Variants in ERBIN observed in about 807,000 individuals in gnomAD.
The protein encoded by ERBIN is densin-180-like protein.
Under a neutral mutation model 158.4 loss-of-function variants are expected in ERBIN, and 60 were observed. That is an observed-to-expected ratio of 0.38 (90% confidence interval 0.31 to 0.47). ERBIN has a LOEUF of 0.47. ERBIN is among the 20% of genes least tolerant of loss of function. The pLI is 0.99. For missense variants in ERBIN, 1,610 were observed against 1,648.0 expected (o/e 0.98, Z 0.40); for synonymous variants, 594 against 557.2 (o/e 1.07, Z -0.93).
intron 1 of ERBIN, among the ~76,000 whole-genome samples, chr5:65,977,363 G>T (rs1364524535): frequency 6.6e-6 from 1 of 151,816 alleles, no homozygotes; most frequent in African/African-American, 2.4e-5. Flanking sequence ...TCCCAGACGG[G>T]GTGGCTGCTG....
intron 1 of ERBIN, among the ~76,000 whole-genome samples, chr5:65,986,906 CTTG>C (rs1397190333): frequency 1.3e-5 from 2 of 152,146 alleles, no homozygotes; most frequent in African/African-American, 4.8e-5. Context: ...GAAACCCCAG[CTTG>C]TTTTGTTTTT....
At chr5:66,045,412 C>T (rs969717021) in intron 17 of ERBIN, among the ~76,000 whole-genome samples, 6 of 145,620 alleles carry the variant, frequency 4.1e-5, no homozygotes, top group African/African-American at 1.7e-4. Flanking sequence ...TTACATATAG[C>T]CTATATGTAA....
In ERBIN at chr5:66,021,217, C is replaced by A; in HGVS notation, c.534-105C>A. 3 of 572,062 alleles carry A rather than the reference C, an allele frequency of 5.2e-6. No individual in the cohort carries two copies. The Admixed American group carries it at 1.1e-4, about 21-fold the overall frequency. The allele number at this position is 572,062 out of a possible 1,614,324, so 35.4% of individuals were successfully genotyped here. A position where few individuals can be genotyped will look rare whatever the true frequency, so the allele number is the denominator to read the frequency against. ...TTTTTATTTTGTCAACATGTGAAAG[C>A]CCATAAATAATTACCTATTCCATAA... On this transcript the variant is annotated intron_variant, in intron 7 of 25. Transcript: ENST00000284037.
intron 1 of ERBIN, among the ~76,000 whole-genome samples, chr5:65,937,017 A>G (rs190990942): frequency 9.8e-5 from 15 of 152,332 alleles, no homozygotes; most frequent in Admixed American, 2.6e-4. Flanking sequence ...ATGTAAGAAC[A>G]TAAGTTTTGG....
At chr5:66,061,071 C>A (rs563711470) in intron 21 of ERBIN, among the ~76,000 whole-genome samples, 1 of 152,244 alleles carries the variant, frequency 6.6e-6, no homozygotes, top group East Asian at 1.9e-4. Flanking sequence ...CTGCTTGGTG[C>A]AGAGCTGAGT....
intron 1 of ERBIN, among the ~76,000 whole-genome samples, chr5:65,971,979 A>T (rs527423902): frequency 2.6e-5 from 4 of 152,328 alleles, no homozygotes; most frequent in Admixed American, 6.5e-5. Flanking sequence ...TGCTTATTCC[A>T]CATGCTGCTT....
chr5:65,973,456 C>T lies in ERBIN; in HGVS notation c.-57-15179C>T, dbSNP rs561049457. On this transcript the variant is annotated intron_variant, in intron 1 of 25. Coordinates refer to ENST00000284037, the MANE Select transcript of ERBIN (RefSeq NM_001253697.2). ...AAAAGAAATTAGGGCCTTGTCTCTT[C>T]CAGATTAATTTGCATTTTAATAGAG... Among the ~76,000 whole-genome samples the T allele has an allele frequency of 2.4e-4, 36 of 151,106 alleles. 1 individual carries two copies. Among genetic ancestry groups the T allele is most frequent in the Middle Eastern group, 3.4e-3 (1 of 294 alleles).
chr5:65,988,881 G>C (rs1270641575), intron 2 of ERBIN, among the ~76,000 whole-genome samples, 199 bp downstream of exon 2: 1 of 151,278 alleles, frequency 6.6e-6, no homozygotes, highest in African/African-American at 2.4e-5. Context: ...CCCTTGGGAG[G>C]CTGAGGTGGG....
intron 1 of ERBIN, among the ~76,000 whole-genome samples, chr5:65,980,940 A>G (rs1421016858): frequency 1.3e-5 from 2 of 152,236 alleles, no homozygotes; most frequent in Non-Finnish European, 2.9e-5. Context: ...ACAACTGTCA[A>G]CCAATTTTAT....
chr5:66,069,719 C>A (rs1761355792), intron 21 of ERBIN, among the ~76,000 whole-genome samples: 1 of 152,182 alleles, frequency 6.6e-6, no homozygotes, highest in South Asian at 2.1e-4. Context: ...ATATTTCCTT[C>A]CGCCCCTCTC....
At chr5:66,018,454 T>A (rs1204375039) in intron 7 of ERBIN, among the ~76,000 whole-genome samples, 3 of 21,976 alleles carry the variant, frequency 1.4e-4, no homozygotes, top group African/African-American at 4.7e-4. Flanking sequence ...ATAATATATA[T>A]TATATTATAT....
At chr5:66,056,075 G>C (rs1220134444) in intron 21 of ERBIN, among the ~76,000 whole-genome samples, 1 of 152,086 alleles carries the variant, frequency 6.6e-6, no homozygotes, top group South Asian at 2.1e-4. Context: ...GAGTAACATA[G>C]GTGTGTTTTA....
intron 22 of ERBIN, among the ~76,000 whole-genome samples, chr5:66,074,450 A>G (rs1305179173): frequency 2.6e-5 from 4 of 152,372 alleles, no homozygotes; most frequent in African/African-American, 9.6e-5. Flanking sequence ...ACATACACAC[A>G]AGGAATAAAT....
intron 18 of ERBIN, among the ~76,000 whole-genome samples, chr5:66,047,113 T>C (rs995308963): frequency 1.3e-5 from 2 of 152,124 alleles, no homozygotes; most frequent in Admixed American, 1.3e-4. Flanking sequence ...CCATACTCTT[T>C]ACCTGTTACT....
chr5:65,971,730 T>G (rs560158113), intron 1 of ERBIN, among the ~76,000 whole-genome samples: 2 of 152,336 alleles, frequency 1.3e-5, no homozygotes, highest in African/African-American at 2.4e-5. Flanking sequence ...CTCCATAGAT[T>G]ATGGCTTCAG....
At chr5:65,996,268 C>G (rs1210685963) in intron 4 of ERBIN, among the ~76,000 whole-genome samples, 6 of 73,980 alleles carry the variant, frequency 8.1e-5, no homozygotes, top group African/African-American at 3.6e-4. Context: ...TTTTTTTTAA[C>G]AGTTTTGGGT....
At chr5:66,006,928 T>C (rs1012763139) in intron 4 of ERBIN, among the ~76,000 whole-genome samples, 1 of 149,824 alleles carries the variant, frequency 6.7e-6, no homozygotes, top group Non-Finnish European at 1.5e-5. Context: ...AGGAACACTT[T>C]TACACTGTTG....
Position 65,959,727 on chromosome 5 carries a change from A to G in ERBIN, c.-57-28908A>G, listed in dbSNP as rs530050753. ...CCTTTTATATAGCATATATATTTAAATGCCCCTTTTTTTCTGTTTCAAGTG... is the reference window on the plus strand; with the variant it reads ...CCTTTTATATAGCATATATATTTAAGTGCCCCTTTTTTTCTGTTTCAAGTG... On this transcript the variant is annotated intron_variant, in intron 1 of 25. Coordinates refer to ENST00000284037, the MANE Select transcript of ERBIN (RefSeq NM_001253697.2). 9.8e-5 allele frequency among the ~76,000 whole-genome samples: 15 copies of G among 152,324 alleles called. No individual in the cohort carries two copies. In the South Asian group the frequency reaches 3.1e-3, roughly 32 times the overall value.
rs1491103989 is a variant in ERBIN, at chr5:66,018,572, T to TAA, written c.534-2750_534-2749insAA. ...TATATATTATATAATATATATTATA[T>TAA]TATATAATATATATTATATAATATA... On this transcript the variant is annotated intron_variant, in intron 7 of 25. Coordinates refer to ENST00000284037, the MANE Select transcript of ERBIN (RefSeq NM_001253697.2). Among the ~76,000 whole-genome samples the TAA allele has an allele frequency of 5.6e-3, 166 of 29,830 alleles. 47 individuals carry two copies. Among genetic ancestry groups the TAA allele is most frequent in the African/African-American group, 0.037 (142 of 3,890 alleles). 19.6% of individuals were successfully genotyped at this position (29,830 alleles called of 152,430 possible).
Sources: allele counts gnomAD v4.1 joint callset (sites outside exome capture counted in the v4.1 genomes callset), GRCh38; gene constraint gnomAD v4.1.1; transcripts MANE v1.5; gene names NCBI Gene and HGNC (gene_info 2026-07-23, HGNC 2026-07-21).